Variants in GNA14 observed in about 807,000 individuals in gnomAD.
GNA14 encodes the protein guanine nucleotide-binding protein subunit alpha-14.
A neutral mutation model predicts 42.0 loss-of-function variants in GNA14; 50 were observed. That is an observed-to-expected ratio of 1.19 (90% CI 0.95 to 1.51). The LOEUF is 1.51. Among genes scored for constraint, GNA14 ranks in the 40% most tolerant of loss-of-function variants. The pLI is 0.00. For missense variants in GNA14, 473 were observed against 446.2 expected (o/e 1.06, Z -0.54); for synonymous variants, 173 against 163.1 (o/e 1.06, Z -0.46).
At chr9:77,583,132 AC>A (rs1823252086) in intron 1 of GNA14, among the ~76,000 whole-genome samples, 1 of 152,158 alleles carries the variant, frequency 6.6e-6, no homozygotes, top group African/African-American at 2.4e-5. Context: ...CAAGAACTTC[AC>A]CCTATCTCTA....
At chr9:77,493,476 G>A (rs918228457) in intron 2 of GNA14, among the ~76,000 whole-genome samples, 3 of 152,022 alleles carry the variant, frequency 2.0e-5, no homozygotes, top group Non-Finnish European at 2.9e-5. Context: ...ATGTTATAAC[G>A]TTAATAGTGC....
At chr9:77,498,399 A>G (rs1836911099) in intron 2 of GNA14, among the ~76,000 whole-genome samples, 1 of 150,804 alleles carries the variant, frequency 6.6e-6, no homozygotes, top group Admixed American at 6.6e-5. Context: ...GAAAAAAAAG[A>G]AAAAGAAAAC....
chr9:77,516,290 G>A (rs1837256251), intron 2 of GNA14, among the ~76,000 whole-genome samples: 1 of 152,090 alleles, frequency 6.6e-6, no homozygotes, highest in Non-Finnish European at 1.5e-5. Flanking sequence ...TATTGCTATG[G>A]GTTAGGTCTC....
At chr9:77,608,386 T>C (rs148645146) in intron 1 of GNA14, among the ~76,000 whole-genome samples, 1 of 152,284 alleles carries the variant, frequency 6.6e-6, no homozygotes, top group Non-Finnish European at 1.5e-5. Context: ...TATACCTAAT[T>C]TAGATGGTAT....
chr9:77,439,381 G>A (rs1298700996), intron 2 of GNA14, among the ~76,000 whole-genome samples: 2 of 152,244 alleles, frequency 1.3e-5, no homozygotes, highest in African/African-American at 4.8e-5. Flanking sequence ...GCTCACGCCT[G>A]TTTTCCCACC....
intron 2 of GNA14, among the ~76,000 whole-genome samples, chr9:77,520,930 C>T (rs1459015498): frequency 6.6e-6 from 1 of 152,194 alleles, no homozygotes; most frequent in African/African-American, 2.4e-5. Flanking sequence ...CAAACTTCCT[C>T]ATATCCCAGT....
intron 1 of GNA14, among the ~76,000 whole-genome samples, chr9:77,574,262 A>T (rs954806434): frequency 6.6e-6 from 1 of 152,232 alleles, no homozygotes; most frequent in Non-Finnish European, 1.5e-5. Context: ...ATCAAGCTGC[A>T]CCTTGACGGT....
intron 1 of GNA14, among the ~76,000 whole-genome samples, chr9:77,530,592 G>A (rs1005063850): frequency 6.6e-6 from 1 of 152,216 alleles, no homozygotes; most frequent in African/African-American, 2.4e-5. Context: ...ATCTCTGCAA[G>A]CTCCCAGTCG....
chr9:77,563,858 G>A (rs1273283909), intron 1 of GNA14, among the ~76,000 whole-genome samples: 1 of 152,114 alleles, frequency 6.6e-6, no homozygotes, highest in African/African-American at 2.4e-5. Flanking sequence ...TTGGGGTCTT[G>A]AAGCATTACA....
intron 2 of GNA14, among the ~76,000 whole-genome samples, chr9:77,495,900 T>A (rs1057408483): frequency 1.3e-5 from 2 of 152,122 alleles, no homozygotes; most frequent in African/African-American, 4.8e-5. Context: ...ACAAGTAAAA[T>A]CATGTTCCTT....
At chr9:77,475,258 G>C (rs954728556) in intron 2 of GNA14, among the ~76,000 whole-genome samples, 1 of 152,112 alleles carries the variant, frequency 6.6e-6, no homozygotes, top group Non-Finnish European at 1.5e-5. Context: ...GGCTATACAA[G>C]GGAATTTGTT....
chr9:77,527,860 C>A (rs552564123), intron 2 of GNA14, among the ~76,000 whole-genome samples: 5 of 152,300 alleles, frequency 3.3e-5, no homozygotes, highest in African/African-American at 9.6e-5. Context: ...GTCTCGAACT[C>A]CTGACCTCAG....
rs1258674677 is a variant in GNA14 at position 77,632,440 on chromosome 9, A to G, written c.124+15230T>C. On this transcript the variant is annotated intron_variant, in intron 1 of 6. Transcript: ENST00000341700. ...CCTACCCATGGCCACCCATGGACCAATCGGTGCACACTTCCTCCCCTCTGT... is the reference window on the plus strand; with the variant it reads ...CCTACCCATGGCCACCCATGGACCAGTCGGTGCACACTTCCTCCCCTCTGT... Among the ~76,000 whole-genome samples, 5 of 152,180 alleles carry G rather than the reference A, an allele frequency of 3.3e-5. No individual in the cohort carries two copies. In the East Asian group the frequency reaches 5.8e-4, roughly 18 times the overall value.
intron 1 of GNA14, among the ~76,000 whole-genome samples, chr9:77,606,123 T>C (rs1407214737): frequency 1.3e-5 from 2 of 152,202 alleles, no homozygotes; most frequent in African/African-American, 4.8e-5. Context: ...AAGTGCTTTA[T>C]TACTCTAGCA....
At chr9:77,586,601 C>T (rs1175663941) in intron 1 of GNA14, among the ~76,000 whole-genome samples, 1 of 152,208 alleles carries the variant, frequency 6.6e-6, no homozygotes, top group Non-Finnish European at 1.5e-5. Flanking sequence ...AGCTCTCTCT[C>T]CTGCACACAG....
chr9:77,618,766 T>G (rs1587850104), intron 1 of GNA14, among the ~76,000 whole-genome samples: 1 of 143,866 alleles, frequency 7.0e-6, no homozygotes, highest in South Asian at 2.3e-4. Context: ...CCCAAGTACC[T>G]GGGACTACAG....
At chr9:77,617,268 C>T (rs1390012268) in intron 1 of GNA14, among the ~76,000 whole-genome samples, 1 of 152,060 alleles carries the variant, frequency 6.6e-6, no homozygotes, top group Non-Finnish European at 1.5e-5. Flanking sequence ...TGTTGACTGT[C>T]TACCTCCACC....
intron 1 of GNA14, among the ~76,000 whole-genome samples, chr9:77,535,086 T>G (rs7860044): frequency 0.74 from 112,735 of 152,104 alleles, 42,237 homozygotes; most frequent in Admixed American, 0.81. Flanking sequence ...GGAAGGAGCG[T>G]TTCTCAGCAG....
At chr9:77,644,586 C>A (rs1420063312) in intron 1 of GNA14, among the ~76,000 whole-genome samples, 2 of 152,104 alleles carry the variant, frequency 1.3e-5, no homozygotes, top group Middle Eastern at 3.2e-3. Flanking sequence ...ACACCTTGCT[C>A]TTGGACTTCC....
Sources: gnomAD v4.1 joint callset for allele counts (sites outside exome capture counted in the v4.1 genomes callset) on GRCh38, gnomAD v4.1.1 for gene constraint, MANE v1.5 for transcripts, NCBI Gene and HGNC (gene_info 2026-07-23, HGNC 2026-07-21) for gene names.